The following SRPK1 variants were observed in gnomAD, a reference collection of about 807,000 sequenced individuals.
SRPK1 encodes the protein SFRS protein kinase 1.
A neutral mutation model predicts 89.5 loss-of-function variants in SRPK1; 52 were observed. The ratio of observed to expected loss-of-function variants is 0.58; its 90% CI spans 0.46 to 0.73. The LOEUF (loss-of-function observed/expected upper bound fraction) is 0.73, where lower values mean the gene tolerates loss of function less well. Ranked by LOEUF, SRPK1 falls within the 30% of genes least tolerant of loss-of-function variation. SRPK1 has a pLI of 0.00. For missense variants in SRPK1, 603 were observed against 780.6 expected (o/e 0.77, Z 2.71); for synonymous variants, 255 against 270.2 (o/e 0.94, Z 0.55).
chr6:35,883,102 T>C lies in SRPK1; in HGVS notation c.478+3622A>G, dbSNP rs189772104. Among the ~76,000 whole-genome samples, 1,418 of 152,148 alleles carry C rather than the reference T, an allele frequency of 9.3e-3. 14 individuals are homozygous for C. The highest frequency in any genetic ancestry group is 0.027 in the Middle Eastern group (8 of 294). ...GATTATAGGCGTGAGCCACTGCACC[T>C]GGCCAGGAAATTTTTTTAAACAAGC... On this transcript the variant is annotated intron_variant, in intron 6 of 15. Transcript: ENST00000373825.
chr6:35,843,333 TCAAA>T (rs1323479506), intron 13 of SRPK1, among the ~76,000 whole-genome samples: 2 of 138,448 alleles, frequency 1.4e-5, no homozygotes, highest in African/African-American at 5.8e-5. Flanking sequence ...ACAAAAAAAA[TCAAA>T]AAAAAAAAAA....
rs772534946 is a variant in SRPK1 at position 35,872,560 on chromosome 6, C to T, written c.751+3G>A. The T allele has an allele frequency of 5.7e-6, 9 of 1,591,338 alleles. No homozygotes were observed. Among genetic ancestry groups the T allele is most frequent in the Non-Finnish European group, 8.5e-7 (1 of 1,172,146 alleles). ...ATAGCGAAGTCCCTAAAAGAAAATA[C>T]ACCTGCAGATCCGGAAGGCGGAGGA... On this transcript the variant is annotated splice_donor_region_variant and intron_variant, in intron 8 of 15. Transcript: ENST00000373825.
At chr6:35,892,167 T>G (rs925040444) in intron 2 of SRPK1, among the ~76,000 whole-genome samples, 1 of 152,216 alleles carries the variant, frequency 6.6e-6, no homozygotes, top group Non-Finnish European at 1.5e-5. Flanking sequence ...TCTGAAAACT[T>G]AGCTTATTTG....
intron 13 of SRPK1, among the ~76,000 whole-genome samples, chr6:35,853,293 A>T (rs1263083140): frequency 6.6e-6 from 1 of 152,094 alleles, no homozygotes; most frequent in Non-Finnish European, 1.5e-5. Context: ...TGAAACAACA[A>T]CAACAAAAAA....
At chr6:35,847,079 C>A (rs1439211237) in intron 13 of SRPK1, among the ~76,000 whole-genome samples, 1 of 152,198 alleles carries the variant, frequency 6.6e-6, no homozygotes. Context: ...AGCTTTTCCT[C>A]TAAAATCCAG....
chr6:35,870,220 G>T, intron 10 of SRPK1, 61 bp downstream of exon 10: 1 of 1,431,902 alleles, frequency 7.0e-7, no homozygotes. Context: ...GTATTATATA[G>T]CAATGATAAA....
At chr6:35,904,109 T>TTTTATTTA (rs1343588906) in intron 2 of SRPK1, among the ~76,000 whole-genome samples, 1 of 152,134 alleles carries the variant, frequency 6.6e-6, no homozygotes, top group African/African-American at 2.4e-5. Context: ...AAGCCATGAT[T>TTTTATTTA]TTTATTTATC....
intron 2 of SRPK1, among the ~76,000 whole-genome samples, chr6:35,916,007 CA>C (rs1771091856): frequency 1.4e-5 from 1 of 70,904 alleles, no homozygotes; most frequent in Non-Finnish European, 3.1e-5. Context: ...TACACACACA[CA>C]CACACACACA....
chr6:35,846,909 T>A (rs1369411155), intron 13 of SRPK1, among the ~76,000 whole-genome samples: 1 of 152,166 alleles, frequency 6.6e-6, no homozygotes, highest in African/African-American at 2.4e-5. Flanking sequence ...AACCATATGA[T>A]CATCTTATTA....
chr6:35,893,498 GTGGGGGA>G, intron 2 of SRPK1, among the ~76,000 whole-genome samples: 1 of 151,476 alleles, frequency 6.6e-6, no homozygotes. Flanking sequence ...AAAAAAAGGG[GTGGGGGA>G]TGATTAACTG....
At chr6:35,877,049 C>A (rs1387198552) in intron 6 of SRPK1, among the ~76,000 whole-genome samples, 1 of 152,200 alleles carries the variant, frequency 6.6e-6, no homozygotes, top group Non-Finnish European at 1.5e-5. Context: ...AGGAAACTAG[C>A]AGAGGCAGAG....
chr6:35,910,138 C>T (rs1440899632), intron 2 of SRPK1, among the ~76,000 whole-genome samples: 1 of 152,218 alleles, frequency 6.6e-6, no homozygotes, highest in African/African-American at 2.4e-5. Context: ...CATGCGCCAC[C>T]GCACCCGACT....
chr6:35,899,116 G>T (rs911931212), intron 2 of SRPK1, among the ~76,000 whole-genome samples: 3 of 151,700 alleles, frequency 2.0e-5, no homozygotes, highest in African/African-American at 7.3e-5. Context: ...AGCTGGGATC[G>T]CACCACTGCA....
At chr6:35,860,752 GA>G (rs1161652940) in intron 12 of SRPK1, among the ~76,000 whole-genome samples, 3 of 151,404 alleles carry the variant, frequency 2.0e-5, no homozygotes, top group African/African-American at 7.3e-5. Context: ...GTGTTGTGGA[GA>G]AAAAAAAAGT....
chr6:35,838,673 G>T lies in SRPK1; in HGVS notation c.1691-244C>A, dbSNP rs544413405. On this transcript the variant is annotated intron_variant, in intron 14 of 15. Transcript: ENST00000373825. ...TCTTGGTGTGAATGCTCTGCTTCCT[G>T]AAGTATCCCTGGGTCCTACATAACA... The T allele has an allele frequency of 2.1e-5, 31 of 1,506,878 alleles. No individual in the cohort carries two copies. In the African/African-American group the frequency reaches 2.9e-4, roughly 14 times the overall value. The allele number at this position is 1,506,878 out of a possible 1,614,324, so 93.3% of individuals were successfully genotyped here. A position where few individuals can be genotyped will look rare whatever the true frequency, so the allele number is the denominator to read the frequency against.
intron 9 of SRPK1, 114 bp downstream of exon 9, chr6:35,870,820 A>G: frequency 1.1e-6 from 1 of 919,296 alleles, no homozygotes; most frequent in Non-Finnish European, 1.6e-6. Context: ...AAGCGCAGGA[A>G]TTTTTTTTCC....
intron 12 of SRPK1, among the ~76,000 whole-genome samples, chr6:35,864,223 A>G (rs1003403769): frequency 6.6e-6 from 1 of 152,228 alleles, no homozygotes; most frequent in African/African-American, 2.4e-5. Context: ...GCTTCTGCAC[A>G]GCAAAGAAAA....
intron 2 of SRPK1, among the ~76,000 whole-genome samples, chr6:35,897,233 A>G (rs999598649): frequency 3.9e-5 from 6 of 152,240 alleles, no homozygotes; most frequent in African/African-American, 1.2e-4. Flanking sequence ...AAAGCTTTAG[A>G]AAACTAGGTC....
chr6:35,872,436 G>T, intron 8 of SRPK1, 127 bp downstream of exon 8: 1 of 874,984 alleles, frequency 1.1e-6, no homozygotes, highest in Non-Finnish European at 1.6e-6. Flanking sequence ...CTTGGAAGCT[G>T]ATAATGTTTC....
Sources: allele counts gnomAD v4.1 joint callset (sites outside exome capture counted in the v4.1 genomes callset), GRCh38; gene constraint gnomAD v4.1.1; transcripts MANE v1.5; gene names NCBI Gene and HGNC (gene_info 2026-07-23, HGNC 2026-07-21).